The following ADGB variants were observed in gnomAD, a reference collection of about 807,000 sequenced individuals.
The protein encoded by ADGB is calpain-7-like protein.
In ADGB, 172 loss-of-function variants were observed where a neutral mutation model predicts 210.5. That is an observed-to-expected ratio of 0.82 (90% CI 0.72 to 0.93). ADGB has a LOEUF of 0.93. Ranked by LOEUF, ADGB falls within the 40% of genes least tolerant of loss-of-function variation. The probability of loss-of-function intolerance (pLI) is 0.00; values close to 1 mark genes in which losing one functional copy is unlikely to be tolerated. For missense variants in ADGB, 2,025 were observed against 1,964.8 expected (o/e 1.03, Z -0.58); for synonymous variants, 658 against 662.7 (o/e 0.99, Z 0.11).
At chr6:146,717,490 CT>C (rs749449405) in intron 15 of ADGB, 45 bp from the exon 16 acceptor site, 24 of 1,078,622 alleles carry the variant, frequency 2.2e-5, no homozygotes, top group African/African-American at 6.5e-5. Context: ...TAGTACTAGT[CT>C]TTGCCTATAA....
At chr6:146,691,417 T>TATATATATATATATATATAAAA (rs1562275440) in intron 11 of ADGB, 127 bp downstream of exon 11, 26 of 19,786 alleles carry the variant, frequency 1.3e-3, no homozygotes, top group Admixed American at 2.1e-3. Flanking sequence ...GTTTAATATA[T>TATATATATATATATATATAAAA]ATATATATAT....
At chr6:146,810,098 T>A (rs1278785610) in intron 35 of ADGB, among the ~76,000 whole-genome samples, 1 of 152,186 alleles carries the variant, frequency 6.6e-6, no homozygotes, top group Non-Finnish European at 1.5e-5. Flanking sequence ...AAAACTCATA[T>A]AACTCAATAG....
At chr6:146,804,389 C>CT (rs1778179754) in intron 35 of ADGB, among the ~76,000 whole-genome samples, 1 of 152,120 alleles carries the variant, frequency 6.6e-6, no homozygotes, top group Admixed American at 6.5e-5. Context: ...TTTGACATCT[C>CT]TTCTTGTTTG....
At chr6:146,612,396 A>G (rs931210133) in intron 1 of ADGB, among the ~76,000 whole-genome samples, 3 of 152,114 alleles carry the variant, frequency 2.0e-5, no homozygotes, top group East Asian at 1.9e-4. Context: ...TCCCAGCTGT[A>G]TACACACTTC....
chr6:146,664,484 C>A, intron 6 of ADGB, 144 bp downstream of exon 6: 1 of 791,672 alleles, frequency 1.3e-6, no homozygotes, highest in Non-Finnish European at 1.8e-6. Context: ...AGTATAAAAT[C>A]AAATACGCCA....
chr6:146,665,208 A>G (rs1414801708), intron 6 of ADGB, among the ~76,000 whole-genome samples: 2 of 151,960 alleles, frequency 1.3e-5, no homozygotes, highest in East Asian at 1.9e-4. Context: ...CCCTTCTATA[A>G]ACATTGCAAT....
chr6:146,757,935 TG>T (rs1178991126), intron 27 of ADGB, among the ~76,000 whole-genome samples: 1 of 152,012 alleles, frequency 6.6e-6, no homozygotes, highest in Non-Finnish European at 1.5e-5. Context: ...AATACCACAC[TG>T]GGATGATATA....
chr6:146,726,039 A>G, intron 18 of ADGB, 44 bp from the exon 19 acceptor site: 1 of 1,309,110 alleles, frequency 7.6e-7, no homozygotes, highest in Non-Finnish European at 1.1e-6. Flanking sequence ...AAATGCCACC[A>G]CCCAGGAAGC....
At chr6:146,783,742 C>A (rs1449302385) in intron 30 of ADGB, among the ~76,000 whole-genome samples, 3 of 152,124 alleles carry the variant, frequency 2.0e-5, no homozygotes, top group Non-Finnish European at 4.4e-5. Context: ...TTGACATAGC[C>A]TCGACCTTAT....
intron 5 of ADGB, 104 bp downstream of exon 5, chr6:146,657,084 C>A: frequency 9.4e-7 from 1 of 1,065,620 alleles, no homozygotes; most frequent in Non-Finnish European, 1.4e-6. Flanking sequence ...CTTTGGGAGG[C>A]AAAGGCCAAG....
At chr6:146,751,098 C>G (rs1777313524) in intron 26 of ADGB, among the ~76,000 whole-genome samples, 1 of 151,990 alleles carries the variant, frequency 6.6e-6, no homozygotes. Context: ...GCTCAGCATG[C>G]ATTAGCTCTT....
chr6:146,633,156 G>A (rs543397245), intron 1 of ADGB, among the ~76,000 whole-genome samples: 12 of 151,968 alleles, frequency 7.9e-5, no homozygotes, highest in South Asian at 2.1e-4. Flanking sequence ...ATTTTTCTCC[G>A]TACCACGGTC....
rs1230033748 is a variant in ADGB, at chr6:146,703,175, T to C, written c.1707+2105T>C. On this transcript the variant is annotated intron_variant, in intron 13 of 35. Transcript: ENST00000397944. ...ATTCATAGATGTTCTTTGTGAAATATGGAGACTTATTCTTTATTAGATATG... is the reference window on the plus strand; with the variant it reads ...ATTCATAGATGTTCTTTGTGAAATACGGAGACTTATTCTTTATTAGATATG... Among the ~76,000 whole-genome samples the C allele has an allele frequency of 8.6e-5, 13 of 151,922 alleles. No individual in the cohort carries two copies. In the East Asian group the frequency reaches 2.3e-3, roughly 27 times the overall value.
At chr6:146,763,862 C>T in intron 27 of ADGB, 39 bp from the exon 28 acceptor site, 1 of 1,490,692 alleles carries the variant, frequency 6.7e-7, no homozygotes, top group Non-Finnish European at 9.1e-7. Flanking sequence ...CTATGTATAT[C>T]ACATATTTTA....
chr6:146,665,309 T>G (rs1186974045), intron 6 of ADGB, among the ~76,000 whole-genome samples: 2 of 152,012 alleles, frequency 1.3e-5, no homozygotes, highest in Non-Finnish European at 2.9e-5. Context: ...AAACAACCAC[T>G]CCTACTGCCA....
intron 27 of ADGB, among the ~76,000 whole-genome samples, chr6:146,760,414 A>G (rs1777468733): frequency 6.6e-6 from 1 of 150,998 alleles, no homozygotes; most frequent in African/African-American, 2.4e-5. Flanking sequence ...AGTTATATCC[A>G]TGTTATTGCA....
chr6:146,635,150 T>C (rs1775394141), intron 1 of ADGB, among the ~76,000 whole-genome samples: 1 of 152,000 alleles, frequency 6.6e-6, no homozygotes, highest in Non-Finnish European at 1.5e-5. Flanking sequence ...CATCAGTAAG[T>C]AGGGACTAAG....
Position 146,763,882 on chromosome 6 carries a change from T to A in ADGB, c.3551-19T>A, listed in dbSNP as rs1349869879. The stretch of plus-strand genomic sequence containing the variant: ...TATATCACATATTTTAACTTTAACT[T>A]AGTATTTCTCCTATTCAGCTAGCAA... On this transcript the variant is annotated intron_variant, in intron 27 of 35. Transcript: ENST00000397944. 2.6e-6 allele frequency: 4 copies of A among 1,539,294 alleles called. No homozygotes were observed. The highest frequency in any genetic ancestry group is 3.5e-6 in the Non-Finnish European group (4 of 1,140,734).
intron 35 of ADGB, chr6:146,807,529 C>G (rs548620827): frequency 1.9e-6 from 3 of 1,551,058 alleles, no homozygotes; most frequent in South Asian, 2.4e-5. Flanking sequence ...AAGCTGGAGA[C>G]AGAAAAGATG....
Sources: allele counts gnomAD v4.1 joint callset (sites outside exome capture counted in the v4.1 genomes callset), GRCh38; gene constraint gnomAD v4.1.1; transcripts MANE v1.5; gene names NCBI Gene and HGNC (gene_info 2026-07-23, HGNC 2026-07-21).